MS4A13: variants seen among roughly 807,000 people sequenced by gnomAD.
MS4A13 encodes membrane spanning 4-domains A13, also known as membrane-spanning 4-domains subfamily A member 13.
In MS4A13, 21 loss-of-function variants were observed where a neutral mutation model predicts 18.4. The observed-to-expected ratio is 1.14, with a 90% CI of 0.81 to 1.64. MS4A13 has a LOEUF of 1.64. Among genes scored for constraint, MS4A13 ranks in the 40% most tolerant of loss-of-function variants. The probability of loss-of-function intolerance (pLI) is 0.00; values close to 1 mark genes in which losing one functional copy is unlikely to be tolerated. For missense variants in MS4A13, 173 were observed against 176.8 expected, an observed-to-expected ratio of 0.98 and a Z score of 0.12; for synonymous variants, 62 against 57.2, an observed-to-expected ratio of 1.08 and a Z score of -0.38.
intron 4 of MS4A13, 27 bp downstream of exon 4, chr11:60,523,980 T>G: frequency 5.2e-6 from 7 of 1,342,234 alleles, no homozygotes; most frequent in East Asian, 2.3e-5. Context: ...GAGGTATCTC[T>G]AGAAATCACT....
chr11:60,516,691 T>C (rs2086639821), intron 2 of MS4A13, among the ~76,000 whole-genome samples: 1 of 152,078 alleles, frequency 6.6e-6, no homozygotes, highest in Non-Finnish European at 1.5e-5. Context: ...GGGCAGGGGG[T>C]AGGCGGGTCT....
chr11:60,542,985 G>A (rs1269981684), downstream of MS4A13, among the ~76,000 whole-genome samples: 1 of 152,138 alleles, frequency 6.6e-6, no homozygotes, highest in African/African-American at 2.4e-5. Flanking sequence ...TACAGTCTGA[G>A]TTCTTCTACT....
chr11:60,523,988 A>C (rs747048756), intron 4 of MS4A13, 35 bp downstream of exon 4: 1 of 1,267,578 alleles, frequency 7.9e-7, no homozygotes, highest in Non-Finnish European at 1.1e-6. Flanking sequence ...TCTAGAAATC[A>C]CTTATCACAA....
At chr11:60,539,392 A>T (rs1038930949) in intron 6 of MS4A13, among the ~76,000 whole-genome samples, 5 of 152,022 alleles carry the variant, frequency 3.3e-5, no homozygotes, top group African/African-American at 1.2e-4. Flanking sequence ...CAAAAAACAA[A>T]ATAAACAGAC....
chr11:60,524,609 T>C (rs1478227734), intron 4 of MS4A13, among the ~76,000 whole-genome samples: 1 of 151,950 alleles, frequency 6.6e-6, no homozygotes, highest in Non-Finnish European at 1.5e-5. Context: ...TTTGTCCAAA[T>C]CATATCTTAT....
At chr11:60,520,865 C>A (rs1447541470) in intron 3 of MS4A13, among the ~76,000 whole-genome samples, 1 of 152,250 alleles carries the variant, frequency 6.6e-6, no homozygotes, top group African/African-American at 2.4e-5. Flanking sequence ...TTCTGCCCTG[C>A]CCTAGCAGAG....
At chr11:60,526,170 G>A (rs950025546) in intron 5 of MS4A13, among the ~76,000 whole-genome samples, 11 of 152,044 alleles carry the variant, frequency 7.2e-5, no homozygotes, top group Non-Finnish European at 1.3e-4. Flanking sequence ...AACCCTGGAG[G>A]ACAGTGATAC....
At chr11:60,527,410 C>CTCTCTCTCTGTG (rs1555024373) in intron 5 of MS4A13, among the ~76,000 whole-genome samples, 1 of 28,788 alleles carries the variant, frequency 3.5e-5, no homozygotes, top group Admixed American at 5.9e-4. Context: ...CTCTCTCTCT[C>CTCTCTCTCTGTG]TGTGTGTGTG....
At chr11:60,516,918 A>G (rs1011981090) in intron 2 of MS4A13, among the ~76,000 whole-genome samples, 5 of 151,876 alleles carry the variant, frequency 3.3e-5, no homozygotes, top group Non-Finnish European at 5.9e-5. Flanking sequence ...TGGAATCACT[A>G]TTCTTGACAC....
At chr11:60,543,311 A>C (rs562003098), downstream of MS4A13, among the ~76,000 whole-genome samples, 6 of 152,276 alleles carry the variant, frequency 3.9e-5, no homozygotes, top group African/African-American at 9.6e-5. Context: ...CTAACACTGC[A>C]AACTAAGGTT....
intron 6 of MS4A13, among the ~76,000 whole-genome samples, chr11:60,540,785 A>T (rs1482843286): frequency 1.3e-5 from 2 of 152,056 alleles, no homozygotes; most frequent in Non-Finnish European, 2.9e-5. Context: ...CATCTCTACA[A>T]AAAAGTAAAA....
In MS4A13 at chr11:60,535,450, T is replaced by C. The variant is rs564699523; in HGVS notation, c.402+5990T>C. The stretch of plus-strand genomic sequence containing the variant: ...AGAAATGGATACATTCCTCGACACA[T>C]ACACTCTGCCAAGACTAAACCAGGA... On this transcript the variant is annotated intron_variant, in intron 6 of 6. Coordinates refer to ENST00000378186, the MANE Select transcript of MS4A13 (RefSeq NM_001012417.3). 5.9e-5 allele frequency among the ~76,000 whole-genome samples: 8 copies of C among 136,712 alleles called. 2 individuals carry two copies. Among genetic ancestry groups the C allele is most frequent in the Non-Finnish European group, 1.2e-4 (8 of 64,548 alleles). The allele number at this position is 136,712 out of a possible 152,430, so 89.7% of individuals were successfully genotyped here.
intron 6 of MS4A13, 70 bp from the exon 7 acceptor site, chr11:60,542,449 A>C: frequency 9.6e-7 from 1 of 1,043,860 alleles, no homozygotes; most frequent in Non-Finnish European, 1.4e-6. Flanking sequence ...TTTTAAGAAA[A>C]AGATCTATTT....
In MS4A13 at chr11:60,542,451, G is replaced by T. The variant is rs945058706; in HGVS notation, c.403-68G>T. 79 of 1,054,460 alleles carry T rather than the reference G, an allele frequency of 7.5e-5. 2 individuals carry two copies. In the South Asian group the frequency reaches 8.2e-4, roughly 11 times the overall value. 65.3% of individuals were successfully genotyped at this position (1,054,460 alleles called of 1,614,324 possible). On this transcript the variant is annotated intron_variant, in intron 6 of 6. Transcript: ENST00000378186. ...TATTACCTGTATTTTTTAAGAAAAA[G>T]ATCTATTTATTAGTTGTATAATATT...
At chr11:60,521,112 A>G (rs1466568291) in intron 3 of MS4A13, among the ~76,000 whole-genome samples, 3 of 152,230 alleles carry the variant, frequency 2.0e-5, no homozygotes, top group Non-Finnish European at 4.4e-5. Context: ...GATTCAGGGC[A>G]CCAAGTCCCT....
intron 6 of MS4A13, among the ~76,000 whole-genome samples, chr11:60,538,854 G>C (rs948937582): frequency 1.0e-3 from 138 of 132,910 alleles, no homozygotes; most frequent in African/African-American, 3.6e-3. Context: ...AGAGAGATTT[G>C]AATCATGATA....
At chr11:60,542,954 A>G (rs747709750), downstream of MS4A13, among the ~76,000 whole-genome samples, 1 of 152,158 alleles carries the variant, frequency 6.6e-6, no homozygotes, top group Non-Finnish European at 1.5e-5. Context: ...ACTTATGTCC[A>G]TACAAGCAGA....
At position 60,515,507 on chromosome 11, in the gene MS4A13, TC is replaced by T. The variant is rs994421970; in HGVS notation, c.-227del. ...CTGAGCGCGTTGCCAGCCGGGATCT[TC>T]CTCTTCATCTAGGCCTGGGCGCTGG... On this transcript the variant is annotated 5_prime_UTR_variant, in exon 1 of 7. Transcript: ENST00000378186. 1 of 152,332 alleles carries T rather than the reference TC, an allele frequency of 6.6e-6. No individual in the cohort carries two copies. Among genetic ancestry groups the T allele is most frequent in the Admixed American group, 6.5e-5 (1 of 15,280 alleles). The allele number at this position is 152,332 out of a possible 1,614,324, so 9.4% of individuals were successfully genotyped here. A position where few individuals can be genotyped will look rare whatever the true frequency, so the allele number is the denominator to read the frequency against.
chr11:60,519,892 A>C (rs1181494361), intron 3 of MS4A13, among the ~76,000 whole-genome samples: 1 of 152,208 alleles, frequency 6.6e-6, no homozygotes, highest in African/African-American at 2.4e-5. Context: ...TTAATACTAG[A>C]GGGCATGAGC....
Sources: gnomAD v4.1 joint callset for allele counts (sites outside exome capture counted in the v4.1 genomes callset) on GRCh38, gnomAD v4.1.1 for gene constraint, MANE v1.5 for transcripts, NCBI Gene and HGNC (gene_info 2026-07-23, HGNC 2026-07-21) for gene names.